The following AP3S1 variants were observed in gnomAD, a reference collection of about 807,000 sequenced individuals.
AP3S1 encodes the protein AP-3 complex subunit sigma-1.
A neutral mutation model predicts 21.3 loss-of-function variants in AP3S1; 12 were observed. The observed-to-expected ratio is 0.56, with a 90% CI of 0.36 to 0.91. AP3S1 has a LOEUF of 0.91. Ranked by LOEUF, AP3S1 falls within the 40% of genes least tolerant of loss-of-function variation. The probability of loss-of-function intolerance (pLI) is 0.01; values close to 1 mark genes in which losing one functional copy is unlikely to be tolerated. For missense variants in AP3S1, 116 were observed against 225.0 expected, an observed-to-expected ratio of 0.52 and a Z score of 3.10; for synonymous variants, 48 against 78.4, an observed-to-expected ratio of 0.61 and a Z score of 2.05.
At chr5:115,880,533 G>A (rs1749180783) in intron 3 of AP3S1, among the ~76,000 whole-genome samples, 2 of 152,148 alleles carry the variant, frequency 1.3e-5, no homozygotes, top group African/African-American at 2.4e-5. Flanking sequence ...TTAATCCTGA[G>A]TTCTAATTTG....
chr5:115,856,459 A>T (rs1762810394), intron 1 of AP3S1, among the ~76,000 whole-genome samples: 1 of 147,498 alleles, frequency 6.8e-6, no homozygotes. Context: ...TAGAGATAGC[A>T]TCTTGCCCTG....
At chr5:115,860,107 AG>A (rs1161661753) in intron 1 of AP3S1, among the ~76,000 whole-genome samples, 1 of 152,160 alleles carries the variant, frequency 6.6e-6, no homozygotes, top group Admixed American at 6.5e-5. Context: ...TAGCTCCTAG[AG>A]GCCACCCTCA....
rs769036892 is a variant in AP3S1, at chr5:115,895,168, G to T, written c.345+10G>T. ...TTTCCATGTAGACAAGGTACTATTT[G>T]TATTGTCACATCTAAGCTTTTTAAG... On this transcript the variant is annotated intron_variant, in intron 4 of 5. Transcript: ENST00000316788. The T allele has an allele frequency of 6.3e-7, 1 of 1,576,320 alleles. No homozygotes were observed. Among genetic ancestry groups the T allele is most frequent in the Admixed American group, 1.8e-5 (1 of 56,540 alleles).
chr5:115,850,456 T>C (rs1320342677), intron 1 of AP3S1, among the ~76,000 whole-genome samples: 2 of 152,178 alleles, frequency 1.3e-5, no homozygotes, highest in African/African-American at 4.8e-5. Flanking sequence ...TCACCACCCA[T>C]CCATCTGTAG....
intron 1 of AP3S1, among the ~76,000 whole-genome samples, chr5:115,845,510 T>C (rs1406496589): frequency 6.6e-6 from 1 of 152,158 alleles, no homozygotes; most frequent in Non-Finnish European, 1.5e-5. Context: ...ACAGAAGTTT[T>C]GGTTCATTCT....
At chr5:115,889,381 C>T (rs1398403476) in intron 3 of AP3S1, among the ~76,000 whole-genome samples, 1 of 152,158 alleles carries the variant, frequency 6.6e-6, no homozygotes, top group African/African-American at 2.4e-5. Context: ...TAAGACCACT[C>T]CACGTCATAC....
intron 3 of AP3S1, among the ~76,000 whole-genome samples, chr5:115,875,423 C>A (rs1748625471): frequency 6.6e-6 from 1 of 152,156 alleles, no homozygotes; most frequent in African/African-American, 2.4e-5. Flanking sequence ...TCTCATCTAT[C>A]ATGATGGTAG....
intron 4 of AP3S1, 87 bp downstream of exon 4, chr5:115,895,245 C>A (rs1242714653): frequency 1.2e-6 from 1 of 850,300 alleles, no homozygotes. Context: ...ATGAATAATT[C>A]TATTTTTATT....
intron 5 of AP3S1, among the ~76,000 whole-genome samples, chr5:115,910,528 C>A (rs758796013): frequency 5.9e-5 from 9 of 151,828 alleles, no homozygotes; most frequent in Non-Finnish European, 1.3e-4. Flanking sequence ...AAAATCTTAA[C>A]CAAGATGAAA....
At chr5:115,886,998 A>C (rs1250016555) in intron 3 of AP3S1, among the ~76,000 whole-genome samples, 1 of 152,204 alleles carries the variant, frequency 6.6e-6, no homozygotes, top group Non-Finnish European at 1.5e-5. Flanking sequence ...CCAGTCCAGA[A>C]TGCAGTCATA....
At chr5:115,899,737 T>A (rs1751052174) in intron 4 of AP3S1, among the ~76,000 whole-genome samples, 1 of 151,980 alleles carries the variant, frequency 6.6e-6, no homozygotes, top group South Asian at 2.1e-4. Context: ...TAGGAAATAA[T>A]CCCAAAGCAT....
At chr5:115,880,044 G>A (rs1749133152) in intron 3 of AP3S1, among the ~76,000 whole-genome samples, 2 of 152,164 alleles carry the variant, frequency 1.3e-5, no homozygotes, top group South Asian at 4.1e-4. Flanking sequence ...TGTGGGATCA[G>A]TAGTGATATC....
chr5:115,902,754 C>G (rs936591282), intron 4 of AP3S1, 131 bp from the exon 5 acceptor site: 19 of 568,446 alleles, frequency 3.3e-5, no homozygotes, highest in Non-Finnish European at 5.2e-5. Flanking sequence ...GATTATGAGC[C>G]CTTACTCCAA....
At chr5:115,843,695 A>T (rs975133394) in intron 1 of AP3S1, among the ~76,000 whole-genome samples, 1 of 152,250 alleles carries the variant, frequency 6.6e-6, no homozygotes, top group Non-Finnish European at 1.5e-5. Context: ...ATTTTTCCAT[A>T]TCTAAACTTA....
At chr5:115,905,019 A>C (rs1751522912) in intron 5 of AP3S1, among the ~76,000 whole-genome samples, 1 of 152,136 alleles carries the variant, frequency 6.6e-6, no homozygotes, top group East Asian at 1.9e-4. Context: ...TCTGCTACTT[A>C]AGACATTTAT....
At chr5:115,885,655 G>A (rs1749715305) in intron 3 of AP3S1, among the ~76,000 whole-genome samples, 1 of 152,128 alleles carries the variant, frequency 6.6e-6, no homozygotes, top group African/African-American at 2.4e-5. Flanking sequence ...AATCTCCTCT[G>A]GCAACACCCT....
At position 115,895,052 on chromosome 5, in the gene AP3S1, A is replaced by G. The variant is rs114097901; in HGVS notation, c.274-35A>G. The G allele has an allele frequency of 6.3e-4, 900 of 1,424,132 alleles. 5 individuals are homozygous for G. The African/African-American group carries it at 0.011, about 17-fold the overall frequency. 88.2% of individuals were successfully genotyped at this position (1,424,132 alleles called of 1,614,324 possible). ...ATAGATAATAGTTTTGAATAAATTT[A>G]AACAGTTCTTAAAACCTTTTTTCTT... On this transcript the variant is annotated intron_variant, in intron 3 of 5. Coordinates refer to ENST00000316788, the MANE Select transcript of AP3S1 (RefSeq NM_001284.4).
intron 1 of AP3S1, among the ~76,000 whole-genome samples, chr5:115,864,679 C>T (rs114093306): frequency 0.013 from 2,042 of 152,192 alleles, 42 homozygotes; most frequent in African/African-American, 0.047. Context: ...TCAAAGAAAT[C>T]ATGGAAGAGA....
At chr5:115,910,509 GAA>G (rs202121116) in intron 5 of AP3S1, among the ~76,000 whole-genome samples, 1 of 144,042 alleles carries the variant, frequency 6.9e-6, no homozygotes. Context: ...TATCTTACTG[GAA>G]AAAAAAAAAA....
Sources: allele counts gnomAD v4.1 joint callset (sites outside exome capture counted in the v4.1 genomes callset), GRCh38; gene constraint gnomAD v4.1.1; transcripts MANE v1.5; gene names NCBI Gene and HGNC (gene_info 2026-07-23, HGNC 2026-07-21).